PDE4D: variants seen among roughly 807,000 people sequenced by gnomAD.
PDE4D encodes phosphodiesterase 4D, also known as 3',5'-cyclic-AMP phosphodiesterase 4D.
PDE4D carries 24 observed loss-of-function variants against 87.4 expected under a neutral mutation model. The ratio of observed to expected loss-of-function variants is 0.27; its 90% confidence interval spans 0.20 to 0.39. PDE4D has a LOEUF of 0.39. Among genes scored for constraint, PDE4D ranks in the 10% least tolerant of loss-of-function variants. The pLI, the probability that PDE4D is intolerant of heterozygous loss-of-function variation, is 1.00. For missense variants in PDE4D, 714 were observed against 1,041.0 expected (o/e 0.69, Z 4.32); for synonymous variants, 384 against 383.2 (o/e 1.00, Z -0.02).
At chr5:59,397,915 C>G (rs1251819808) in intron 1 of PDE4D, among the ~76,000 whole-genome samples, 1 of 121,564 alleles carries the variant, frequency 8.2e-6, no homozygotes, top group Non-Finnish European at 1.8e-5. Context: ...AACGATCCCA[C>G]AGAAATACAA....
intron 2 of PDE4D, among the ~76,000 whole-genome samples, chr5:60,035,469 G>A (rs1388838607): frequency 6.6e-6 from 1 of 152,088 alleles, no homozygotes; most frequent in African/African-American, 2.4e-5. Context: ...TTCACATGGC[G>A]AGTCACTCTG....
chr5:60,364,572 AG>A (rs1760361054), intron 1 of PDE4D, among the ~76,000 whole-genome samples: 1 of 152,224 alleles, frequency 6.6e-6, no homozygotes, highest in Admixed American at 6.5e-5. Context: ...AAAAACTTAA[AG>A]GTTTTCTTAC....
chr5:60,202,402 A>T (rs1488901905), intron 1 of PDE4D, among the ~76,000 whole-genome samples: 1 of 152,164 alleles, frequency 6.6e-6, no homozygotes, highest in Non-Finnish European at 1.5e-5. Flanking sequence ...TCTGGGCTCA[A>T]GTAATCTGCC....
chr5:60,247,322 G>A (rs941425628), intron 1 of PDE4D, among the ~76,000 whole-genome samples: 1 of 151,878 alleles, frequency 6.6e-6, no homozygotes, highest in African/African-American at 2.4e-5. Context: ...TTCAAGATTA[G>A]ACATGCAGTA....
intron 1 of PDE4D, among the ~76,000 whole-genome samples, chr5:60,318,871 C>G (rs1755910313): frequency 6.6e-6 from 1 of 152,172 alleles, no homozygotes; most frequent in South Asian, 2.1e-4. Flanking sequence ...GTCTGATGGG[C>G]TTCCCTTTGT....
At chr5:60,175,236 T>A (rs1197293254) in intron 2 of PDE4D, among the ~76,000 whole-genome samples, 1 of 152,158 alleles carries the variant, frequency 6.6e-6, no homozygotes, top group Non-Finnish European at 1.5e-5. Context: ...CATTTTTTAA[T>A]CTCTTTGACT....
intron 2 of PDE4D, among the ~76,000 whole-genome samples, chr5:60,111,442 T>C (rs1172309847): frequency 6.6e-6 from 1 of 152,010 alleles, no homozygotes; most frequent in Non-Finnish European, 1.5e-5. Context: ...AAAAGTATCA[T>C]ATATTTGTTA....
intron 1 of PDE4D, among the ~76,000 whole-genome samples, chr5:59,353,716 C>T (rs2153588249): frequency 6.6e-6 from 1 of 152,112 alleles, no homozygotes; most frequent in African/African-American, 2.4e-5. Context: ...CACGGCCCTG[C>T]TCCCCTCCTC....
intron 5 of PDE4D, among the ~76,000 whole-genome samples, chr5:59,082,820 T>C (rs1580706594): frequency 6.6e-6 from 1 of 152,254 alleles, no homozygotes; most frequent in East Asian, 1.9e-4. Flanking sequence ...ATTCGAAATG[T>C]GATGTCTACT....
intron 6 of PDE4D, among the ~76,000 whole-genome samples, chr5:59,008,348 A>G (rs1752068941): frequency 6.6e-6 from 1 of 152,052 alleles, no homozygotes; most frequent in Non-Finnish European, 1.5e-5. Flanking sequence ...CAATTTAAAC[A>G]AAGAGAATAT....
intron 1 of PDE4D, among the ~76,000 whole-genome samples, chr5:59,623,606 TG>T (rs1830573363): frequency 6.6e-6 from 1 of 152,192 alleles, no homozygotes; most frequent in Non-Finnish European, 1.5e-5. Context: ...GATCTTGGTA[TG>T]TGCCCTCATG....
chr5:60,170,117 A>G (rs1783281547), intron 2 of PDE4D, among the ~76,000 whole-genome samples: 1 of 152,166 alleles, frequency 6.6e-6, no homozygotes, highest in South Asian at 2.1e-4. Context: ...TTCAGAAGAA[A>G]GAAAATTTAC....
At chr5:59,313,205 C>A (rs1216135441) in intron 1 of PDE4D, among the ~76,000 whole-genome samples, 1 of 152,136 alleles carries the variant, frequency 6.6e-6, no homozygotes, top group African/African-American at 2.4e-5. Context: ...TTTGTGCTAA[C>A]CTTTTTCTCT....
intron 2 of PDE4D, among the ~76,000 whole-genome samples, chr5:59,990,077 A>C (rs1196104993): frequency 6.6e-6 from 1 of 152,152 alleles, no homozygotes; most frequent in Non-Finnish European, 1.5e-5. Context: ...TATTTCTCAA[A>C]ATTAACCAGC....
At chr5:60,043,486 C>T (rs1768770893) in intron 2 of PDE4D, among the ~76,000 whole-genome samples, 1 of 152,078 alleles carries the variant, frequency 6.6e-6, no homozygotes, top group Admixed American at 6.5e-5. Context: ...CCCCAAGACA[C>T]ATAATCATCA....
chr5:59,405,301 C>G (rs1791421956), intron 1 of PDE4D, among the ~76,000 whole-genome samples: 3 of 152,128 alleles, frequency 2.0e-5, no homozygotes, highest in African/African-American at 7.2e-5. Context: ...TCACTTCTTT[C>G]AGTAAGTTAA....
At chr5:59,482,531 A>AT in intron 1 of PDE4D, among the ~76,000 whole-genome samples, 1 of 152,286 alleles carries the variant, frequency 6.6e-6, no homozygotes, top group South Asian at 2.1e-4. Flanking sequence ...GAAATTCAAG[A>AT]TTTTTCATAA....
At chr5:59,751,574 G>GGTGTGTGT (rs57407769) in intron 1 of PDE4D, among the ~76,000 whole-genome samples, 21,509 of 142,530 alleles carry the variant, frequency 0.15, 1,757 homozygotes, top group Middle Eastern at 0.28. Context: ...ATAAATCCCT[G>GGTGTGTGT]GTGTGTGTGT....
At chr5:59,663,950 G>T (rs534069852) in intron 1 of PDE4D, among the ~76,000 whole-genome samples, 5 of 151,894 alleles carry the variant, frequency 3.3e-5, no homozygotes, top group Admixed American at 6.6e-5. Flanking sequence ...AACCTCCTTC[G>T]CATTCTGAAG....
Sources: allele counts gnomAD v4.1 joint callset (sites outside exome capture counted in the v4.1 genomes callset), GRCh38; gene constraint gnomAD v4.1.1; transcripts MANE v1.5; gene names NCBI Gene and HGNC (gene_info 2026-07-23, HGNC 2026-07-21).